Variants in CCDC60 observed in about 807,000 individuals in gnomAD.
CCDC60 encodes coiled-coil domain-containing protein 60.
Under a neutral mutation model 63.5 loss-of-function variants are expected in CCDC60, and 54 were observed. The ratio of observed to expected loss-of-function variants is 0.85; its 90% CI spans 0.68 to 1.07. The LOEUF is 1.07. CCDC60 is among the 50% of genes least tolerant of loss of function. The probability of loss-of-function intolerance (pLI) is 0.00; values close to 1 mark genes in which losing one functional copy is unlikely to be tolerated. For synonymous variants in CCDC60, 206 were observed against 238.8 expected (o/e 0.86, Z 1.27); for missense variants, 651 against 684.3 (o/e 0.95, Z 0.54).
At chr12:119,469,521 A>G (rs1220705354) in intron 2 of CCDC60, among the ~76,000 whole-genome samples, 2 of 152,138 alleles carry the variant, frequency 1.3e-5, no homozygotes, top group Non-Finnish European at 2.9e-5. Flanking sequence ...CGGCCTCCCA[A>G]AGTGCTGAGA....
chr12:119,382,716 T>A (rs1956020798), intron 1 of CCDC60, among the ~76,000 whole-genome samples: 1 of 152,244 alleles, frequency 6.6e-6, no homozygotes, highest in Admixed American at 6.5e-5. Context: ...CTTTGAAGTC[T>A]GTTATGAGGA....
intron 2 of CCDC60, among the ~76,000 whole-genome samples, chr12:119,444,711 C>T (rs1412867258): frequency 6.6e-6 from 1 of 152,160 alleles, no homozygotes; most frequent in Non-Finnish European, 1.5e-5. Context: ...TCTTCTCTGA[C>T]ATCTCGCTGA....
chr12:119,411,701 G>C (rs540951148), intron 1 of CCDC60, among the ~76,000 whole-genome samples: 1 of 151,964 alleles, frequency 6.6e-6, no homozygotes, highest in Non-Finnish European at 1.5e-5. Context: ...TGACCTTCTC[G>C]GGAGAGAAAG....
chr12:119,523,450 G>A (rs146478185), intron 10 of CCDC60, among the ~76,000 whole-genome samples: 3 of 152,218 alleles, frequency 2.0e-5, no homozygotes, highest in South Asian at 2.1e-4. Context: ...GTGACCAGTT[G>A]TCTCACTGTG....
intron 2 of CCDC60, among the ~76,000 whole-genome samples, chr12:119,439,136 A>G (rs1950384877): frequency 8.6e-6 from 1 of 115,746 alleles, no homozygotes; most frequent in Admixed American, 1.1e-4. Flanking sequence ...CAGTATATAC[A>G]TCCCTTTTCT....
intron 1 of CCDC60, among the ~76,000 whole-genome samples, chr12:119,409,314 GGAA>G (rs1421534458): frequency 2.0e-5 from 3 of 152,202 alleles, no homozygotes; most frequent in East Asian, 1.9e-4. Flanking sequence ...GCTTTGTGGG[GGAA>G]GAAGGACTGT....
Position 119,505,248 on chromosome 12 carries a change from C to T in CCDC60, c.828C>T (p.Asp276=), listed in dbSNP as rs1189401705. ...ACACCCAGGTGACCAGCAGCAAGGACATTGAGGACAATGAGTCATCTTCAA... is the reference window on the plus strand; with the variant it reads ...ACACCCAGGTGACCAGCAGCAAGGATATTGAGGACAATGAGTCATCTTCAA... ...SVNTQVTSSK[D]IEDNESSSTK... is the part of the protein sequence containing the mutation. Residue 276 remains aspartate (D), a synonymous_variant, in exon 7 of 14, where the codon GAC becomes GAT. Coordinates refer to ENST00000327554, the MANE Select transcript of CCDC60 (RefSeq NM_178499.5). 1 of 1,613,412 alleles carries T rather than the reference C, an allele frequency of 6.2e-7. No individual in the cohort carries two copies. Among genetic ancestry groups the T allele is most frequent in the African/African-American group, 1.3e-5 (1 of 75,060 alleles).
intron 8 of CCDC60, among the ~76,000 whole-genome samples, chr12:119,519,422 T>A (rs1952442659): frequency 7.1e-6 from 1 of 140,334 alleles, no homozygotes; most frequent in African/African-American, 2.8e-5. Context: ...TGTGTGTGTG[T>A]GTGTGTGTGT....
chr12:119,383,190 C>A lies in CCDC60; in HGVS notation c.91-45493C>A, dbSNP rs555467559. Among the ~76,000 whole-genome samples, 5 of 152,346 alleles carry A rather than the reference C, an allele frequency of 3.3e-5. No individual in the cohort carries two copies. In the East Asian group the frequency reaches 7.7e-4, roughly 23 times the overall value. Reference sequence around the variant, plus strand: ...TTGGGAAGCCAAGGCGGGAGAATTACTTGAGCCCAGGAGTTCAAGACCAAC... The same window carrying A: ...TTGGGAAGCCAAGGCGGGAGAATTAATTGAGCCCAGGAGTTCAAGACCAAC... On this transcript the variant is annotated intron_variant, in intron 1 of 13. Transcript: ENST00000327554.
At chr12:119,534,276 A>T (rs1952939928) in intron 13 of CCDC60, among the ~76,000 whole-genome samples, 1 of 152,152 alleles carries the variant, frequency 6.6e-6, no homozygotes, top group African/African-American at 2.4e-5. Context: ...GTATCTTGAG[A>T]CTTTGCTGAA....
chr12:119,528,666 A>C lies in CCDC60; in HGVS notation c.1281A>C (p.Ser427=). The change falls in exon 12 of 14, where the codon TCA becomes TCC. Residue 427 remains serine (S), a synonymous_variant. Transcript: ENST00000327554. ...AGTTCCGTGCTTTTGTCCTTGTCTC[A>C]AATTTTCAAAAGGACATAGCAAAAA... ...IQKFRAFVLV[S]NFQKDIAKMR... 6.2e-7 allele frequency: 1 copy of C among 1,614,132 alleles called. No homozygotes were observed. The highest frequency in any genetic ancestry group is 8.5e-7 in the Non-Finnish European group (1 of 1,179,988).
chr12:119,508,164 A>G (rs1168999843), intron 7 of CCDC60, among the ~76,000 whole-genome samples: 2 of 150,154 alleles, frequency 1.3e-5, no homozygotes, highest in African/African-American at 4.9e-5. Context: ...GAGTGAGACC[A>G]TGTCTATAAA....
rs1952134333 is a variant in CCDC60 at position 119,509,004 on chromosome 12, G to A, written c.883+3701G>A. Among the ~76,000 whole-genome samples the A allele has an allele frequency of 3.3e-5, 5 of 152,208 alleles. No homozygotes were observed. The South Asian group carries it at 1.0e-3, about 32-fold the overall frequency. The stretch of plus-strand genomic sequence containing the variant: ...TAGCAGAGGAAGGAGACTTTGCAAT[G>A]AGGGGAGGGGTAAATGGAGCATCTC... On this transcript the variant is annotated intron_variant, in intron 7 of 13. Transcript: ENST00000327554.
intron 5 of CCDC60, among the ~76,000 whole-genome samples, chr12:119,492,443 G>T (rs1951612938): frequency 6.6e-6 from 1 of 152,176 alleles, no homozygotes; most frequent in South Asian, 2.1e-4. Context: ...TAAAAATTAT[G>T]AATCTGGGGG....
chr12:119,362,369 C>G (rs910217850), intron 1 of CCDC60, among the ~76,000 whole-genome samples: 7 of 152,150 alleles, frequency 4.6e-5, no homozygotes, highest in African/African-American at 1.7e-4. Context: ...AGAAGATTCT[C>G]TCATCTCTTC....
chr12:119,446,861 G>T (rs564002630), intron 2 of CCDC60, among the ~76,000 whole-genome samples: 10 of 152,250 alleles, frequency 6.6e-5, no homozygotes, highest in Non-Finnish European at 1.3e-4. Flanking sequence ...AAGTCACAGG[G>T]AGTTGGTGGA....
chr12:119,504,777 C>A (rs1459627325), intron 6 of CCDC60, among the ~76,000 whole-genome samples: 1 of 152,206 alleles, frequency 6.6e-6, no homozygotes, highest in Non-Finnish European at 1.5e-5. Context: ...ACACGTTTGG[C>A]TTCCTATGGT....
At chr12:119,425,357 C>G (rs1428512610) in intron 1 of CCDC60, among the ~76,000 whole-genome samples, 1 of 152,044 alleles carries the variant, frequency 6.6e-6, no homozygotes, top group Non-Finnish European at 1.5e-5. Context: ...ATAAAATACA[C>G]CAGAATGGGG....
intron 1 of CCDC60, among the ~76,000 whole-genome samples, chr12:119,360,347 C>A: frequency 1.2e-5 from 1 of 84,280 alleles, no homozygotes; most frequent in Non-Finnish European, 2.1e-5. Flanking sequence ...GGGGCTGACG[C>A]CCCCACCTCC....
Sources: gnomAD v4.1 joint callset for allele counts (sites outside exome capture counted in the v4.1 genomes callset) on GRCh38, gnomAD v4.1.1 for gene constraint, MANE v1.5 for transcripts, NCBI Gene and HGNC (gene_info 2026-07-23, HGNC 2026-07-21) for gene names.